Variants in LARGE1 observed in about 807,000 individuals in gnomAD.
LARGE1 encodes the protein LARGE xylosyl- and glucuronyltransferase 1, also known as xylosyl- and glucuronyltransferase LARGE1.
A neutral mutation model predicts 87.6 loss-of-function variants in LARGE1; 43 were observed. The ratio of observed to expected loss-of-function variants is 0.49; its 90% CI spans 0.38 to 0.63. The LOEUF (loss-of-function observed/expected upper bound fraction) is 0.63, where lower values mean the gene tolerates loss of function less well. Among genes scored for constraint, LARGE1 ranks in the 30% least tolerant of loss-of-function variants. The pLI, the probability that LARGE1 is intolerant of heterozygous loss-of-function variation, is 0.00. For missense variants in LARGE1, 802 were observed against 1,000.2 expected (o/e 0.80, Z 2.67); for synonymous variants, 434 against 394.6 (o/e 1.10, Z -1.18).
At chr22:33,277,343 A>C in intron 13 of LARGE1, 88 bp from the exon 14 acceptor site, 1 of 1,245,182 alleles carries the variant, frequency 8.0e-7, no homozygotes, top group Non-Finnish European at 1.2e-6. Flanking sequence ...AGGGGTGTAC[A>C]CTGATGTAGT....
intron 7 of LARGE1, among the ~76,000 whole-genome samples, chr22:33,386,486 T>G (rs2065326431): frequency 6.7e-6 from 1 of 148,692 alleles, no homozygotes; most frequent in African/African-American, 2.4e-5. Flanking sequence ...TTGCGCACTC[T>G]TGTGGTAGGC....
In LARGE1 at chr22:33,825,388, T is replaced by TATA. The variant is rs1214083613; in HGVS notation, c.-82-63831_-82-63830insTAT. ...GACATACCCGAGACTGGGTAATTGC[T>TATA]AATAAAGACATACCCGAGACTGGGT... is the stretch of plus-strand genomic sequence containing the variant. On this transcript the variant is annotated intron_variant, in intron 1 of 14. Coordinates refer to ENST00000397394, the MANE Select transcript of LARGE1 (RefSeq NM_133642.5). Among the ~76,000 whole-genome samples the TATA allele has an allele frequency of 5.6e-5, 7 of 124,362 alleles. No individual in the cohort carries two copies. In the East Asian group the frequency reaches 8.9e-4, roughly 16 times the overall value. The allele number at this position is 124,362 out of a possible 152,430, so 81.6% of individuals were successfully genotyped here. A position where few individuals can be genotyped will look rare whatever the true frequency, so the allele number is the denominator to read the frequency against.
chr22:33,638,970 G>A (rs1156501362), intron 3 of LARGE1, among the ~76,000 whole-genome samples: 1 of 152,192 alleles, frequency 6.6e-6, no homozygotes, highest in East Asian at 1.9e-4. Context: ...ATCCACAAAT[G>A]CCTAGACGTT....
At chr22:33,370,895 GA>G (rs999126746) in intron 9 of LARGE1, among the ~76,000 whole-genome samples, 14 of 148,352 alleles carry the variant, frequency 9.4e-5, no homozygotes, top group African/African-American at 2.2e-4. Flanking sequence ...AATATTAATG[GA>G]TATAACAATG....
intron 3 of LARGE1, 81 bp downstream of exon 3, chr22:33,650,286 T>C: frequency 1.3e-6 from 2 of 1,536,610 alleles, no homozygotes; most frequent in Non-Finnish European, 1.8e-6. Flanking sequence ...CATCTGGCTG[T>C]GTTTCCAGGA....
In LARGE1 at chr22:33,839,780, G is replaced by A. The variant is rs766827585; in HGVS notation, c.-82-78222C>T. Among the ~76,000 whole-genome samples, 10 of 152,276 alleles carry A rather than the reference G, an allele frequency of 6.6e-5. No homozygotes were observed. The South Asian group carries it at 1.7e-3, about 25-fold the overall frequency. Reference sequence around the variant, plus strand: ...CATGAAATAAAAAAATAAGAAAAGCGATTATTAACTACCTACCAGGTATGA... The same window carrying A: ...CATGAAATAAAAAAATAAGAAAAGCAATTATTAACTACCTACCAGGTATGA... On this transcript the variant is annotated intron_variant, in intron 1 of 14. Transcript: ENST00000397394.
intron 14 of LARGE1, among the ~76,000 whole-genome samples, chr22:33,276,188 T>A (rs1431884987): frequency 6.7e-6 from 1 of 148,448 alleles, no homozygotes; most frequent in East Asian, 2.0e-4. Context: ...GGAGGAGAGA[T>A]CTTGGAGAAG....
At chr22:33,546,515 A>T (rs1053612348) in intron 6 of LARGE1, among the ~76,000 whole-genome samples, 2 of 152,092 alleles carry the variant, frequency 1.3e-5, no homozygotes, top group Admixed American at 1.3e-4. Flanking sequence ...TTTATCTTTG[A>T]CTGCCCTTCG....
intron 9 of LARGE1, 68 bp from the exon 10 acceptor site, chr22:33,337,869 A>G (rs1024097017): frequency 1.8e-5 from 27 of 1,520,238 alleles, no homozygotes; most frequent in Non-Finnish European, 2.4e-5. Flanking sequence ...CACCTGTAGG[A>G]AGCCATGGCT....
intron 11 of LARGE1, among the ~76,000 whole-genome samples, chr22:33,254,609 G>T (rs1469550420): frequency 6.6e-6 from 1 of 152,200 alleles, no homozygotes; most frequent in Non-Finnish European, 1.5e-5. Context: ...TACAAGCTGT[G>T]TGACCCTGAG....
intron 2 of LARGE1, among the ~76,000 whole-genome samples, chr22:33,729,490 TGA>T (rs1191408210): frequency 7.2e-5 from 11 of 152,222 alleles, no homozygotes; most frequent in Non-Finnish European, 2.9e-5. Context: ...CTCAATATCA[TGA>T]GAGATAAATA....
chr22:33,717,225 C>G (rs1486177746), intron 2 of LARGE1, among the ~76,000 whole-genome samples: 2 of 152,074 alleles, frequency 1.3e-5, no homozygotes, highest in Non-Finnish European at 2.9e-5. Flanking sequence ...ACCCATCTAC[C>G]CCCACAGTGC....
In LARGE1 at chr22:33,526,889, C is replaced by T. The variant is rs570795791; in HGVS notation, c.787+37959G>A. The stretch of plus-strand genomic sequence containing the variant: ...GAGTCACAGACATGCTCCCCTGCAG[C>T]TCACAGTTGACTACAGCATTTCTCA... On this transcript the variant is annotated intron_variant, in intron 6 of 14. Coordinates refer to ENST00000397394, the MANE Select transcript of LARGE1 (RefSeq NM_133642.5). Among the ~76,000 whole-genome samples, 7 of 152,324 alleles carry T rather than the reference C, an allele frequency of 4.6e-5. No individual in the cohort carries two copies. The East Asian group carries it at 1.3e-3, about 29-fold the overall frequency.
At position 33,489,998 on chromosome 22, in the gene LARGE1, C is replaced by T. The variant is rs182278797; in HGVS notation, c.788-57733G>A. 5.9e-5 allele frequency among the ~76,000 whole-genome samples: 9 copies of T among 152,304 alleles called. No homozygotes were observed. The East Asian group carries it at 1.2e-3, about 20-fold the overall frequency. ...CACATCTTACTGTTTTGCTAGAACA[C>T]GGTTTCCCCGCCTTGTATCCCTGGC... On this transcript the variant is annotated intron_variant, in intron 6 of 14. Transcript: ENST00000397394.
chr22:33,894,242 T>C (rs1569018413), intron 1 of LARGE1, among the ~76,000 whole-genome samples: 1 of 152,174 alleles, frequency 6.6e-6, no homozygotes, highest in Non-Finnish European at 1.5e-5. Flanking sequence ...TGGCTGCCTA[T>C]GCAGATCACC....
chr22:33,651,223 T>TAAAAAATAAAAAAAAAAAA (rs1371688457), intron 2 of LARGE1, among the ~76,000 whole-genome samples: 1 of 17,146 alleles, frequency 5.8e-5, no homozygotes, highest in Non-Finnish European at 1.1e-4. Flanking sequence ...CTACTAAAAA[T>TAAAAAATAAAAAAAAAAAA]ACAAAAAAAA....
At chr22:33,802,972 G>A (rs1300245165) in intron 1 of LARGE1, among the ~76,000 whole-genome samples, 2 of 152,212 alleles carry the variant, frequency 1.3e-5, no homozygotes, top group Non-Finnish European at 2.9e-5. Context: ...GGGTGGGTGA[G>A]TGGGTAGACA....
intron 1 of LARGE1, among the ~76,000 whole-genome samples, chr22:33,786,405 G>C (rs1601614567): frequency 6.6e-6 from 1 of 152,164 alleles, no homozygotes; most frequent in Non-Finnish European, 1.5e-5. Flanking sequence ...GAATTAATTA[G>C]ATTTGGTCCC....
intron 1 of LARGE1, among the ~76,000 whole-genome samples, chr22:33,841,937 G>A (rs929066166): frequency 3.9e-5 from 6 of 152,096 alleles, no homozygotes; most frequent in Admixed American, 1.3e-4. Context: ...TAAAGCACAC[G>A]GGTGAATCAC....
Sources: gnomAD v4.1 joint callset for allele counts (sites outside exome capture counted in the v4.1 genomes callset) on GRCh38, gnomAD v4.1.1 for gene constraint, MANE v1.5 for transcripts, NCBI Gene and HGNC (gene_info 2026-07-23, HGNC 2026-07-21) for gene names.